BICRA: variants seen among roughly 807,000 people sequenced by gnomAD.
The protein encoded by BICRA is BRD4-interacting chromatin-remodeling complex-associated protein.
BICRA carries 31 observed loss-of-function variants against 96.9 expected under a neutral mutation model. The ratio of observed to expected loss-of-function variants is 0.32; its 90% CI spans 0.24 to 0.43. BICRA has a LOEUF of 0.43. Among genes scored for constraint, BICRA ranks in the 20% least tolerant of loss-of-function variants. The probability of loss-of-function intolerance (pLI) is 1.00; values close to 1 mark genes in which losing one functional copy is unlikely to be tolerated. For missense variants in BICRA, 2,283 were observed against 2,190.3 expected (o/e 1.04, Z -0.84); for synonymous variants, 1,350 against 1,071.8 (o/e 1.26, Z -5.07).
At chr19:47,625,818 G>A (rs867156205) in intron 1 of BICRA, among the ~76,000 whole-genome samples, 21 of 152,168 alleles carry the variant, frequency 1.4e-4, no homozygotes, top group Middle Eastern at 3.4e-3. Flanking sequence ...TGGATGGGCT[G>A]AGAGACACAG....
chr19:47,666,287 T>C (rs1381906888), intron 1 of BICRA, among the ~76,000 whole-genome samples: 1 of 91,338 alleles, frequency 1.1e-5, no homozygotes, highest in Non-Finnish European at 2.1e-5. Context: ...TTTTTCTTTT[T>C]CTTTTTCTTC....
At position 47,694,653 on chromosome 19, in the gene BICRA, G is replaced by A. The variant is rs747053151; in HGVS notation, c.2822G>A (p.Arg941Gln). 2.0e-5 allele frequency: 30 copies of A among 1,537,010 alleles called. No individual in the cohort carries two copies. Among genetic ancestry groups the A allele is most frequent in the East Asian group, 2.3e-5 (1 of 43,250 alleles). ...GCAGCACCCCCCCCACCGCCTCCTC[G>A]GACCTTCCAGATGGTGACCACCCCC... ...EPAAPPPPPP[R>Q]TFQMVTTPFP... The change falls in exon 8 of 15, where the codon CGG becomes CAG. Residue 941 changes from arginine to glutamine, a missense_variant. Coordinates refer to ENST00000594866, the MANE Select transcript of BICRA (RefSeq NM_001394372.1).
chr19:47,609,571 G>A lies in BICRA; in HGVS notation c.-108+403G>A, dbSNP rs558314389. 3.6e-4 allele frequency among the ~76,000 whole-genome samples: 55 copies of A among 151,554 alleles called. 2 individuals are homozygous for A. The highest frequency in any genetic ancestry group is 3.3e-3 in the Admixed American group (50 of 15,270). On this transcript the variant is annotated intron_variant, in intron 1 of 14. Transcript: ENST00000594866. Reference sequence around the variant, plus strand: ...CGGGGATACAATGGAGCGGCGGAGAGAGGAGACCTAACGTTCCACGGGGGG... The same window carrying A: ...CGGGGATACAATGGAGCGGCGGAGAAAGGAGACCTAACGTTCCACGGGGGG...
At chr19:47,629,667 G>GTT (rs148226950) in intron 1 of BICRA, among the ~76,000 whole-genome samples, 6 of 151,604 alleles carry the variant, frequency 4.0e-5, no homozygotes, top group East Asian at 1.9e-4. Flanking sequence ...TTTTTGTGTG[G>GTT]TTTTTTTTGA....
rs10424089 is a variant in BICRA, at chr19:47,675,001, A to T, written c.85-850A>T. The stretch of plus-strand genomic sequence containing the variant: ...ATAGAGCAGAGGCATGAGCAATGGG[A>T]TGATGGCAGCCTGGGCCATGGTGCA... On this transcript the variant is annotated intron_variant, in intron 4 of 14. Transcript: ENST00000594866. This position sits in a 1 kb window ranked among gnomAD's most constrained non-coding sequence, Gnocchi z 4.7. 0.32 allele frequency among the ~76,000 whole-genome samples: 48,700 copies of T among 152,060 alleles called. 9,845 individuals are homozygous for T. The highest frequency in any genetic ancestry group is 0.57 in the African/African-American group (23,408 of 41,426).
In BICRA at chr19:47,670,488, G is replaced by A. The variant is rs1972847652; in HGVS notation, c.-62G>A. The stretch of plus-strand genomic sequence containing the variant: ...TTCCAAGTCCCCAGCTGGGGGCCCT[G>A]TGTAGACCTGGAGTGGACACGCCCC... On this transcript the variant is annotated 5_prime_UTR_variant, in exon 2 of 15. The change creates a new upstream start codon in the 5' untranslated region. Coordinates refer to ENST00000594866, the MANE Select transcript of BICRA (RefSeq NM_001394372.1). The A allele has an allele frequency of 6.6e-6, 1 of 152,144 alleles. No individual in the cohort carries two copies. The highest frequency in any genetic ancestry group is 2.1e-4 in the South Asian group (1 of 4,826). The allele number at this position is 152,144 out of a possible 1,614,324, so 9.4% of individuals were successfully genotyped here.
intron 1 of BICRA, among the ~76,000 whole-genome samples, chr19:47,661,105 T>A (rs979210700): frequency 1.3e-5 from 2 of 149,410 alleles, no homozygotes; most frequent in Non-Finnish European, 2.9e-5. Flanking sequence ...TGCCAGCTAC[T>A]CAGGAGGCTG....
rs1368121903 is a variant in BICRA at position 47,702,187 on chromosome 19, C to T, written c.4455C>T (p.Ala1485=). The stretch of plus-strand genomic sequence containing the variant: ...CCGAGTCGCCCGACGTGGACCAGGC[C>T]AGCTTCTCCAGCGACAGCCCGCAGG... The part of the protein sequence containing the change: ...RKSESPDVDQ[A]SFSSDSPQDD... Residue 1485 remains alanine, a synonymous_variant, in exon 15 of 15, where the codon GCC becomes GCT. Transcript: ENST00000594866. 3 of 1,589,764 alleles carry T rather than the reference C, an allele frequency of 1.9e-6. No homozygotes were observed. The highest frequency in any genetic ancestry group is 2.6e-6 in the Non-Finnish European group (3 of 1,174,200).
intron 1 of BICRA, among the ~76,000 whole-genome samples, chr19:47,609,748 C>T (rs907097696): frequency 1.3e-5 from 2 of 151,992 alleles, no homozygotes; most frequent in African/African-American, 2.4e-5. Flanking sequence ...GCCCCTGCGC[C>T]CCCTCCCCAA....
intron 1 of BICRA, among the ~76,000 whole-genome samples, chr19:47,656,015 G>A (rs944583577): frequency 1.3e-5 from 2 of 150,604 alleles, no homozygotes; most frequent in East Asian, 2.0e-4. Flanking sequence ...TGGGAGAATC[G>A]CTTGAACCCA....
chr19:47,652,342 C>T (rs191713830), intron 1 of BICRA, among the ~76,000 whole-genome samples: 50 of 152,290 alleles, frequency 3.3e-4, no homozygotes, highest in African/African-American at 1.1e-3. Flanking sequence ...TGTGCCACCA[C>T]ACCCAGCTAT....
chr19:47,680,424 G>A lies in BICRA; in HGVS notation c.1254G>A (p.Ala418=), dbSNP rs910144538. 3 of 1,536,726 alleles carry A rather than the reference G, an allele frequency of 2.0e-6. No individual in the cohort carries two copies. Among genetic ancestry groups the A allele is most frequent in the South Asian group, 1.2e-5 (1 of 83,970 alleles). Residue 418 remains alanine, a synonymous_variant, in exon 6 of 15, where the codon GCG becomes GCA. Transcript: ENST00000594866. ...TGCTGTCGGGCTTCCCCGCGCCTGC[G>A]CTGCAAGCGAACGTCTTCAAGCAGC... ...NVVLSGFPAP[A]LQANVFKQPP...
Position 47,632,953 on chromosome 19 carries a change from A to G in BICRA, c.-108+23785A>G, listed in dbSNP as rs73943828. ...CCGAAGTGGTGCAAGGGTTCGGCTC[A>G]GTGAGATGATAGCACCAAAGAGTTC... On this transcript the variant is annotated intron_variant, in intron 1 of 14. Transcript: ENST00000594866. 6.9e-3 allele frequency among the ~76,000 whole-genome samples: 1,056 copies of G among 152,250 alleles called. 20 individuals are homozygous for G. Among genetic ancestry groups the G allele is most frequent in the African/African-American group, 0.024 (987 of 41,534 alleles).
At chr19:47,697,959 G>A (rs1279676217) in intron 11 of BICRA, among the ~76,000 whole-genome samples, 1 of 152,150 alleles carries the variant, frequency 6.6e-6, no homozygotes, top group African/African-American at 2.4e-5. Flanking sequence ...CTTCTGCCTC[G>A]GCCCCGCAAA....
At chr19:47,672,276 G>A (rs1340980797) in intron 2 of BICRA, among the ~76,000 whole-genome samples, 1 of 149,586 alleles carries the variant, frequency 6.7e-6, no homozygotes, top group Non-Finnish European at 1.5e-5. Context: ...AGGATGGAGG[G>A]ATGGGTAAGT....
chr19:47,615,400 G>T (rs771616844), intron 1 of BICRA, among the ~76,000 whole-genome samples: 6 of 152,192 alleles, frequency 3.9e-5, no homozygotes, highest in Admixed American at 3.9e-4. Flanking sequence ...ACCTCCTTGT[G>T]TCTGATGACC....
intron 5 of BICRA, among the ~76,000 whole-genome samples, chr19:47,676,505 CCTTCTCCCT>C (rs983592928): frequency 3.3e-5 from 5 of 151,776 alleles, no homozygotes; most frequent in African/African-American, 1.2e-4. Flanking sequence ...CCTCCTTCCT[CCTTCTCCCT>C]CTTCTGTTGC....
chr19:47,645,760 C>T lies in BICRA; in HGVS notation c.-107-24683C>T, dbSNP rs373616404. 4.8e-4 allele frequency among the ~76,000 whole-genome samples: 73 copies of T among 152,308 alleles called. 3 individuals are homozygous for T. The South Asian group carries it at 0.012, about 26-fold the overall frequency. On this transcript the variant is annotated intron_variant, in intron 1 of 14. Coordinates refer to ENST00000594866, the MANE Select transcript of BICRA (RefSeq NM_001394372.1). ...ATTGGCTCTTCCTCTTGCCCTCAGG[C>T]ATTCAGTTTGCACAGTTGACAGGAG...
chr19:47,630,907 G>A (rs1441356515), intron 1 of BICRA, among the ~76,000 whole-genome samples: 1 of 152,008 alleles, frequency 6.6e-6, no homozygotes, highest in East Asian at 1.9e-4. Context: ...AACACTTGTT[G>A]TAGTCTTTTA....
Sources: allele counts gnomAD v4.1 joint callset (sites outside exome capture counted in the v4.1 genomes callset), GRCh38; gene constraint gnomAD v4.1.1; non-coding constraint Gnocchi (gnomAD v3.1); transcripts MANE v1.5; gene names NCBI Gene and HGNC (gene_info 2026-07-23, HGNC 2026-07-21).